Variants in SLCO1C1 observed in about 807,000 individuals in gnomAD.
SLCO1C1 encodes solute carrier organic anion transporter family member 1C1, also known as OAT-RP-5.
SLCO1C1 carries 70 observed loss-of-function variants against 76.4 expected under a neutral mutation model. That is an observed-to-expected ratio of 0.92 (90% CI 0.76 to 1.12). The LOEUF is 1.12. Ranked by LOEUF, SLCO1C1 falls within the 50% of genes most tolerant of loss-of-function variation. The pLI, the probability that SLCO1C1 is intolerant of heterozygous loss-of-function variation, is 0.00. For synonymous variants in SLCO1C1, 306 were observed against 286.1 expected, an observed-to-expected ratio of 1.07 and a Z score of -0.70; for missense variants, 912 against 823.8, an observed-to-expected ratio of 1.11 and a Z score of -1.31.
chr12:20,751,636 C>T (rs1000112154), intron 14 of SLCO1C1, among the ~76,000 whole-genome samples: 1 of 152,102 alleles, frequency 6.6e-6, no homozygotes, highest in African/African-American at 2.4e-5. Flanking sequence ...TATTTCCTCA[C>T]ATTTTTGCTA....
chr12:20,746,882 C>T (rs761429930), intron 13 of SLCO1C1, among the ~76,000 whole-genome samples: 2 of 151,132 alleles, frequency 1.3e-5, no homozygotes, highest in Non-Finnish European at 2.9e-5. Flanking sequence ...GAGTCATCAA[C>T]TAAATACAAT....
At chr12:20,736,977 C>A (rs796362220) in intron 10 of SLCO1C1, 130 bp from the exon 11 acceptor site, 35 of 638,608 alleles carry the variant, frequency 5.5e-5, no homozygotes, top group Non-Finnish European at 7.8e-5. Context: ...TTTCTGATGA[C>A]AACTGTGTTT....
intron 4 of SLCO1C1, among the ~76,000 whole-genome samples, chr12:20,707,728 G>C (rs1029920410): frequency 6.6e-6 from 1 of 152,110 alleles, no homozygotes; most frequent in Non-Finnish European, 1.5e-5. Context: ...GTTTTAACCA[G>C]CAATGGTTTT....
chr12:20,742,441 T>C (rs891533739), intron 12 of SLCO1C1, among the ~76,000 whole-genome samples: 7 of 152,246 alleles, frequency 4.6e-5, no homozygotes, highest in Admixed American at 3.3e-4. Flanking sequence ...TTATGATTAC[T>C]ATTAAATTTC....
intron 12 of SLCO1C1, 82 bp from the exon 13 acceptor site, chr12:20,743,223 A>C: frequency 7.7e-7 from 1 of 1,296,736 alleles, no homozygotes; most frequent in Non-Finnish European, 1.1e-6. Context: ...GATTTCATGT[A>C]TGTTAGGCAG....
At chr12:20,722,194 T>C (rs1475517623) in intron 8 of SLCO1C1, 145 bp downstream of exon 8, 4 of 1,135,846 alleles carry the variant, frequency 3.5e-6, no homozygotes. Flanking sequence ...ATGTCAGCTT[T>C]ATTACTGAAC....
chr12:20,717,467 TTTTGA>T (rs1274670067), intron 7 of SLCO1C1, among the ~76,000 whole-genome samples: 4 of 151,786 alleles, frequency 2.6e-5, no homozygotes, highest in East Asian at 1.9e-4. Flanking sequence ...CTTTTTTCAC[TTTTGA>T]TTTGTCAGTT....
intron 3 of SLCO1C1, among the ~76,000 whole-genome samples, chr12:20,702,686 C>T (rs1008498411): frequency 3.3e-5 from 5 of 151,718 alleles, no homozygotes; most frequent in African/African-American, 9.7e-5. Context: ...TACTGATGGC[C>T]CTGCACTGAG....
chr12:20,732,817 A>T, intron 9 of SLCO1C1, 92 bp from the exon 10 acceptor site: 1 of 1,317,216 alleles, frequency 7.6e-7, no homozygotes, highest in Non-Finnish European at 1.0e-6. Context: ...TCTATAATTT[A>T]AAGTGACAAA....
intron 4 of SLCO1C1, 24 bp from the exon 5 acceptor site, chr12:20,711,362 G>A (rs1485648681): frequency 1.2e-6 from 2 of 1,607,292 alleles, no homozygotes; most frequent in Admixed American, 1.7e-5. Flanking sequence ...AGTCTATCAT[G>A]AAGAAAACAT....
intron 11 of SLCO1C1, 144 bp from the exon 12 acceptor site, chr12:20,740,040 A>G (rs1380136013): frequency 2.5e-6 from 2 of 800,174 alleles, no homozygotes; most frequent in Non-Finnish European, 3.8e-6. Flanking sequence ...TGCTTTGCTC[A>G]ATATACTGTA....
intron 1 of SLCO1C1, among the ~76,000 whole-genome samples, chr12:20,697,720 C>A (rs1946331225): frequency 1.3e-5 from 2 of 151,818 alleles, no homozygotes. Context: ...CTGTAATTAA[C>A]CAATTGTTGC....
chr12:20,723,727 A>C (rs1169141848), intron 9 of SLCO1C1, among the ~76,000 whole-genome samples: 1 of 152,170 alleles, frequency 6.6e-6, no homozygotes, highest in African/African-American at 2.4e-5. Context: ...AAGATAGAAA[A>C]GTATGAAGAA....
intron 9 of SLCO1C1, among the ~76,000 whole-genome samples, chr12:20,731,391 GAACA>G (rs71039979): frequency 0.33 from 50,313 of 151,750 alleles, 8,865 homozygotes; most frequent in African/African-American, 0.41. Flanking sequence ...AACTTAAAAA[GAACA>G]AACAAAGGGA....
chr12:20,723,886 CA>C (rs1947802126), intron 9 of SLCO1C1, among the ~76,000 whole-genome samples: 1 of 151,848 alleles, frequency 6.6e-6, no homozygotes, highest in Non-Finnish European at 1.5e-5. Context: ...TTTCTTGGGA[CA>C]TATTCCTTTA....
In SLCO1C1 at chr12:20,711,318, G is replaced by T. The variant is rs1947086744; in HGVS notation, c.405-68G>T. On this transcript the variant is annotated intron_variant, in intron 4 of 14. Coordinates refer to ENST00000266509, the MANE Select transcript of SLCO1C1 (RefSeq NM_017435.5). The stretch of plus-strand genomic sequence containing the variant: ...ACCTGGTACCCTAACGATTCGTGTA[G>T]CATACACATAATATTCTTAGTATGA... 3.9e-6 allele frequency: 6 copies of T among 1,530,750 alleles called. No homozygotes were observed. In the East Asian group the frequency reaches 1.1e-4, roughly 29 times the overall value. The allele number at this position is 1,530,750 out of a possible 1,614,324, so 94.8% of individuals were successfully genotyped here.
Position 20,701,302 on chromosome 12 carries a change from C to A in SLCO1C1, c.130-16C>A, listed in dbSNP as rs769989517. On this transcript the variant is annotated splice_polypyrimidine_tract_variant and intron_variant, in intron 2 of 14. Transcript: ENST00000266509. ...AAGCTGGAGTCAGACTAAGTGTGACCTGTCATATTTTCCAGGTGTTCTTGT... is the reference window on the plus strand; with the variant it reads ...AAGCTGGAGTCAGACTAAGTGTGACATGTCATATTTTCCAGGTGTTCTTGT... The A allele has an allele frequency of 2.7e-6, 4 of 1,481,636 alleles. No homozygotes were observed. The highest frequency in any genetic ancestry group is 4.8e-5 in the East Asian group (2 of 41,734). 91.8% of individuals were successfully genotyped at this position (1,481,636 alleles called of 1,614,324 possible). A position where few individuals can be genotyped will look rare whatever the true frequency, so the allele number is the denominator to read the frequency against.
intron 13 of SLCO1C1, among the ~76,000 whole-genome samples, chr12:20,743,731 T>A (rs1592329297): frequency 1.9e-5 from 1 of 53,654 alleles, no homozygotes; most frequent in Non-Finnish European, 7.2e-5. Flanking sequence ...CCTAAATATA[T>A]TTTTTTTCAG....
chr12:20,724,097 CA>C (rs1216748997), intron 9 of SLCO1C1, among the ~76,000 whole-genome samples: 8 of 151,834 alleles, frequency 5.3e-5, no homozygotes, highest in Non-Finnish European at 8.8e-5. Flanking sequence ...GATTTTTCTC[CA>C]AAATTCTTGA....
Sources: allele counts gnomAD v4.1 joint callset (sites outside exome capture counted in the v4.1 genomes callset), GRCh38; gene constraint gnomAD v4.1.1; transcripts MANE v1.5; gene names NCBI Gene and HGNC (gene_info 2026-07-23, HGNC 2026-07-21).